GRID1: variants seen among roughly 807,000 people sequenced by gnomAD.
GRID1 encodes glutamate ionotropic receptor delta type subunit 1.
A neutral mutation model predicts 98.0 loss-of-function variants in GRID1; 28 were observed. That is an observed-to-expected ratio of 0.29 (90% confidence interval 0.21 to 0.39). The LOEUF is 0.39. Ranked by LOEUF, GRID1 falls within the 10% of genes least tolerant of loss-of-function variation. GRID1 has a pLI of 1.00. For missense variants in GRID1, 1,111 were observed against 1,340.5 expected (o/e 0.83, Z 2.67); for synonymous variants, 553 against 538.5 (o/e 1.03, Z -0.37).
At chr10:86,215,172 T>G (rs1846156884) in intron 2 of GRID1, among the ~76,000 whole-genome samples, 1 of 152,146 alleles carries the variant, frequency 6.6e-6, no homozygotes, top group Non-Finnish European at 1.5e-5. Context: ...CCAGGAGCAC[T>G]ACCAGGCTGG....
chr10:86,299,254 CT>C (rs1847645054), intron 2 of GRID1, among the ~76,000 whole-genome samples: 2 of 140,274 alleles, frequency 1.4e-5, no homozygotes, highest in African/African-American at 5.3e-5. Flanking sequence ...ATAACATAAA[CT>C]TTATATCCTT....
At chr10:86,174,861 C>T (rs1845551475) in intron 3 of GRID1, among the ~76,000 whole-genome samples, 1 of 152,122 alleles carries the variant, frequency 6.6e-6, no homozygotes, top group South Asian at 2.1e-4. Context: ...CAAAAGAAGA[C>T]ATTTATGCAG....
intron 2 of GRID1, among the ~76,000 whole-genome samples, chr10:86,281,974 G>T (rs1847363572): frequency 6.6e-6 from 1 of 152,158 alleles, no homozygotes; most frequent in Non-Finnish European, 1.5e-5. Flanking sequence ...ATACTCCTCA[G>T]TGGAAAGCAC....
intron 12 of GRID1, among the ~76,000 whole-genome samples, chr10:85,680,745 G>T (rs1315699449): frequency 6.6e-6 from 1 of 152,094 alleles, no homozygotes; most frequent in Non-Finnish European, 1.5e-5. Flanking sequence ...ATCAACACGG[G>T]CATTATCTTT....
chr10:86,225,373 TA>T (rs1670836588), intron 2 of GRID1, among the ~76,000 whole-genome samples: 1 of 152,190 alleles, frequency 6.6e-6, no homozygotes, highest in Non-Finnish European at 1.5e-5. Flanking sequence ...TAAAAGGATA[TA>T]ACACCAAGGG....
intron 4 of GRID1, among the ~76,000 whole-genome samples, chr10:86,040,135 A>C (rs1433613319): frequency 6.6e-6 from 1 of 152,220 alleles, no homozygotes; most frequent in Non-Finnish European, 1.5e-5. Context: ...ATCCTTATAC[A>C]CTGTTCATGG....
rs185438955 is a variant in GRID1, at chr10:85,905,976, T to C, written c.780+10210A>G. 6.9e-3 allele frequency among the ~76,000 whole-genome samples: 1,054 copies of C among 152,080 alleles called. 13 individuals are homozygous for C. The highest frequency in any genetic ancestry group is 0.012 in the Admixed American group (180 of 15,292). ...GTGAAGACTGTTATAATGGATAAAA[T>C]AGCAAGACCTAAATAAGTGCTGCCT... On this transcript the variant is annotated intron_variant, in intron 5 of 15. Coordinates refer to ENST00000327946, the MANE Select transcript of GRID1 (RefSeq NM_017551.3).
At chr10:86,126,273 GCGAAACCCC>G (rs1844751761) in intron 4 of GRID1, among the ~76,000 whole-genome samples, 1 of 152,180 alleles carries the variant, frequency 6.6e-6, no homozygotes, top group Non-Finnish European at 1.5e-5. Flanking sequence ...GGCCAAGATA[GCGAAACCCC>G]GTCTCTACTA....
rs555625131 is a variant in GRID1, at chr10:86,270,503, A to G, written c.236-63855T>C. ...TCAGCAGTTCGAAACCACCCTGGCCAACATGGTGCAGCCCTGTCTCTAGCA... is the reference window on the plus strand; with the variant it reads ...TCAGCAGTTCGAAACCACCCTGGCCGACATGGTGCAGCCCTGTCTCTAGCA... On this transcript the variant is annotated intron_variant, in intron 2 of 15. Coordinates refer to ENST00000327946, the MANE Select transcript of GRID1 (RefSeq NM_017551.3). 2.0e-5 allele frequency among the ~76,000 whole-genome samples: 3 copies of G among 152,322 alleles called. No individual in the cohort carries two copies. In the South Asian group the frequency reaches 6.2e-4, roughly 32 times the overall value.
At position 86,096,589 on chromosome 10, in the gene GRID1, T is replaced by C. The variant is rs571750179; in HGVS notation, c.726+42230A>G. Among the ~76,000 whole-genome samples the C allele has an allele frequency of 1.8e-4, 27 of 152,354 alleles. No individual in the cohort carries two copies. The South Asian group carries it at 5.2e-3, about 29-fold the overall frequency. The stretch of plus-strand genomic sequence containing the variant: ...AGCTACCATCCGTGGACTTATCCTC[T>C]GTCACAGTATTCCACACAGCATTGC... On this transcript the variant is annotated intron_variant, in intron 4 of 15. Transcript: ENST00000327946.
At chr10:86,063,320 C>G (rs12573321) in intron 4 of GRID1, among the ~76,000 whole-genome samples, 2,625 of 152,262 alleles carry the variant, frequency 0.017, 25 homozygotes, top group Non-Finnish European at 0.026. Flanking sequence ...ATACGCCAGC[C>G]GCTGGGAAGC....
Position 86,195,033 on chromosome 10 carries a change from C to T in GRID1, c.520+11331G>A, listed in dbSNP as rs910569328. Among the ~76,000 whole-genome samples, 6 of 152,102 alleles carry T rather than the reference C, an allele frequency of 3.9e-5. No homozygotes were observed. The highest frequency in any genetic ancestry group is 1.2e-4 in the African/African-American group (5 of 41,436). ...TGAATGGACACATGAAGCCTCACTC[C>T]GTGGGCAGCAAGGAGTGCCAGAACG... On this transcript the variant is annotated intron_variant, in intron 3 of 15. Coordinates refer to ENST00000327946, the MANE Select transcript of GRID1 (RefSeq NM_017551.3). The surrounding 1 kb of genome is among the most constrained non-coding windows in gnomAD (Gnocchi z 4.4).
intron 4 of GRID1, among the ~76,000 whole-genome samples, chr10:85,961,677 C>T (rs1842269311): frequency 6.6e-6 from 1 of 151,424 alleles, no homozygotes. Context: ...TCCTTCTCTC[C>T]TTCCTTTTTT....
intron 8 of GRID1, among the ~76,000 whole-genome samples, chr10:85,746,352 A>G (rs1205846464): frequency 6.6e-6 from 1 of 152,206 alleles, no homozygotes; most frequent in African/African-American, 2.4e-5. Context: ...GAAGCAGGAT[A>G]GCAGGTTGCA....
At position 85,903,009 on chromosome 10, in the gene GRID1, C is replaced by A. The variant is rs147416998; in HGVS notation, c.780+13177G>T. 8.9e-4 allele frequency among the ~76,000 whole-genome samples: 135 copies of A among 152,244 alleles called. 1 individual carries two copies. The highest frequency in any genetic ancestry group is 3.1e-3 in the African/African-American group (127 of 41,544). ...TGCCCCAGAGGTGCCAGGGTTTGGG[C>A]CTCTTCGCATTTTTAGTAATGCAAC... On this transcript the variant is annotated intron_variant, in intron 5 of 15. Coordinates refer to ENST00000327946, the MANE Select transcript of GRID1 (RefSeq NM_017551.3).
chr10:85,623,749 T>C (rs1297358712), intron 13 of GRID1, among the ~76,000 whole-genome samples: 1 of 152,232 alleles, frequency 6.6e-6, no homozygotes, highest in Non-Finnish European at 1.5e-5. Flanking sequence ...TGTCTACCCC[T>C]TTCTTGCCTT....
chr10:86,190,770 G>T (rs560326924), intron 3 of GRID1, among the ~76,000 whole-genome samples: 1 of 152,366 alleles, frequency 6.6e-6, no homozygotes, highest in South Asian at 2.1e-4. Flanking sequence ...AAGATTCATA[G>T]CTAGCCTCAG....
intron 4 of GRID1, among the ~76,000 whole-genome samples, chr10:86,003,662 C>T (rs978341222): frequency 2.0e-4 from 31 of 152,310 alleles, no homozygotes; most frequent in African/African-American, 7.2e-4. Context: ...GTGAGAGCAG[C>T]TCTCTTTCCA....
At chr10:85,992,822 C>T (rs1842698138) in intron 4 of GRID1, among the ~76,000 whole-genome samples, 1 of 151,924 alleles carries the variant, frequency 6.6e-6, no homozygotes, top group Non-Finnish European at 1.5e-5. Flanking sequence ...GGCATGGTGG[C>T]GTGCACCTGT....
Sources: gnomAD v4.1 joint callset for allele counts (sites outside exome capture counted in the v4.1 genomes callset) on GRCh38, gnomAD v4.1.1 for gene constraint, Gnocchi (gnomAD v3.1) non-coding constraint, MANE v1.5 for transcripts, NCBI Gene and HGNC (gene_info 2026-07-23, HGNC 2026-07-21) for gene names.